Variants in EDEM3 observed in about 807,000 individuals in gnomAD.
The protein encoded by EDEM3 is ER degradation-enhancing alpha-mannosidase-like protein 3.
EDEM3 carries 60 observed loss-of-function variants against 110.2 expected under a neutral mutation model. The ratio of observed to expected loss-of-function variants is 0.54; its 90% confidence interval spans 0.44 to 0.67. The LOEUF is 0.67. EDEM3 is among the 30% of genes least tolerant of loss of function. EDEM3 has a pLI of 0.00. For missense variants in EDEM3, 996 were observed against 1,121.0 expected (o/e 0.89, Z 1.59); for synonymous variants, 352 against 382.9 (o/e 0.92, Z 0.94).
chr1:184,709,481 T>C (rs879844421), intron 16 of EDEM3, among the ~76,000 whole-genome samples: 4 of 152,124 alleles, frequency 2.6e-5, no homozygotes, highest in South Asian at 2.1e-4. Context: ...AACAGTGAAG[T>C]AGAAAAAGAA....
Position 184,692,147 on chromosome 1 carries a change from T to C in EDEM3, c.*1916A>G, listed in dbSNP as rs915080336. The C allele has an allele frequency of 1.3e-5, 2 of 152,136 alleles. No homozygotes were observed. The highest frequency in any genetic ancestry group is 2.4e-5 in the African/African-American group (1 of 41,446). The allele number at this position is 152,136 out of a possible 1,614,324, so 9.4% of individuals were successfully genotyped here. ...GCTCATTTTCTCCAAGCCCCAGTCCTATAAATCAAGGCAAGTCAAGTAATT... is the reference window on the plus strand; with the variant it reads ...GCTCATTTTCTCCAAGCCCCAGTCCCATAAATCAAGGCAAGTCAAGTAATT... On this transcript the variant is annotated 3_prime_UTR_variant, in exon 20 of 20. Transcript: ENST00000318130.
At chr1:184,697,141 T>G (rs1230994590) in intron 19 of EDEM3, among the ~76,000 whole-genome samples, 1 of 151,812 alleles carries the variant, frequency 6.6e-6, no homozygotes, top group African/African-American at 2.4e-5. Flanking sequence ...CTTTTCATAA[T>G]AAAAAGCTAC....
At chr1:184,710,977 G>A (rs985627873) in intron 15 of EDEM3, among the ~76,000 whole-genome samples, 2 of 152,032 alleles carry the variant, frequency 1.3e-5, no homozygotes, top group South Asian at 2.1e-4. Flanking sequence ...ATAACTACTC[G>A]TCAGAAAATG....
At chr1:184,730,457 C>T (rs912894312) in intron 6 of EDEM3, among the ~76,000 whole-genome samples, 22 of 152,126 alleles carry the variant, frequency 1.4e-4, no homozygotes, top group African/African-American at 4.6e-4. Flanking sequence ...CATGGTGGCA[C>T]GTGCCTGTAG....
At position 184,700,693 on chromosome 1, in the gene EDEM3, G is replaced by A. The variant is rs115134265; in HGVS notation, c.2389+2118C>T. Among the ~76,000 whole-genome samples, 725 of 152,066 alleles carry A rather than the reference G, an allele frequency of 4.8e-3. 10 individuals are homozygous for A. Among genetic ancestry groups the A allele is most frequent in the African/African-American group, 0.017 (698 of 41,518 alleles). ...AAGTGTATCTGTTGATTCTGATGCA[G>A]GGGAGAAACACTGATGTATGTAGTA... is the stretch of plus-strand genomic sequence containing the variant. On this transcript the variant is annotated intron_variant, in intron 19 of 19. Coordinates refer to ENST00000318130, the MANE Select transcript of EDEM3 (RefSeq NM_025191.4).
At chr1:184,746,214 G>A (rs1165381245) in intron 2 of EDEM3, among the ~76,000 whole-genome samples, 1 of 152,198 alleles carries the variant, frequency 6.6e-6, no homozygotes, top group Non-Finnish European at 1.5e-5. Context: ...AGATGGCAGA[G>A]TTGTAGTAAT....
rs777309738 is a variant in EDEM3 at position 184,723,713 on chromosome 1, G to A, written c.853+38C>T. ...TTCTTTATTTCCCAACCATTTTGAG[G>A]ATGCAAAGGCTTGATTTAAAAAGCC... On this transcript the variant is annotated intron_variant, in intron 8 of 19. Coordinates refer to ENST00000318130, the MANE Select transcript of EDEM3 (RefSeq NM_025191.4). The A allele has an allele frequency of 1.1e-5, 15 of 1,418,996 alleles. No individual in the cohort carries two copies. In the South Asian group the frequency reaches 1.9e-4, roughly 18 times the overall value. 87.9% of individuals were successfully genotyped at this position (1,418,996 alleles called of 1,614,324 possible).
intron 9 of EDEM3, among the ~76,000 whole-genome samples, 161 bp from the exon 10 acceptor site, chr1:184,719,729 T>G (rs536969226): frequency 6.6e-6 from 1 of 152,328 alleles, no homozygotes; most frequent in South Asian, 2.1e-4. Flanking sequence ...TAGATGGAGA[T>G]CTTTCTAAAA....
Position 184,721,334 on chromosome 1 carries a change from G to A in EDEM3, c.906C>T (p.Ala302=). ...AACTGTCATCTCCAAGCAAGACATAGGCTTTCAACAGATATTCATAATATG... is the reference window on the plus strand; with the variant it reads ...AACTGTCATCTCCAAGCAAGACATAAGCTTTCAACAGATATTCATAATATG... The part of the protein sequence containing the change: ...IDSYYEYLLK[A]YVLLGDDSFL... The change falls in exon 9 of 20, where the codon GCC becomes GCT. Residue 302 remains alanine, a synonymous_variant. Transcript: ENST00000318130. 1 of 1,605,430 alleles carries A rather than the reference G, an allele frequency of 6.2e-7. No homozygotes were observed. The highest frequency in any genetic ancestry group is 1.3e-5 in the African/African-American group (1 of 74,330).
chr1:184,718,381 T>C (rs1464278478), intron 11 of EDEM3, among the ~76,000 whole-genome samples: 1 of 152,132 alleles, frequency 6.6e-6, no homozygotes, highest in Non-Finnish European at 1.5e-5. Flanking sequence ...GATGTATTAA[T>C]TGAAACCTCA....
chr1:184,704,117 T>C (rs1041521027), intron 18 of EDEM3, among the ~76,000 whole-genome samples: 1 of 152,196 alleles, frequency 6.6e-6, no homozygotes, highest in Admixed American at 6.5e-5. Context: ...GTTGTATTTG[T>C]ACTGTTTAAT....
At chr1:184,736,945 C>T (rs1651859034) in intron 4 of EDEM3, 80 bp downstream of exon 4, 5 of 1,177,146 alleles carry the variant, frequency 4.2e-6, no homozygotes, top group South Asian at 2.5e-5. Flanking sequence ...CTATTTCATA[C>T]TTACTGTGTT....
At chr1:184,717,332 CATA>C (rs1004226429) in intron 12 of EDEM3, among the ~76,000 whole-genome samples, 89 of 152,028 alleles carry the variant, frequency 5.9e-4, no homozygotes, top group Non-Finnish European at 7.4e-5. Context: ...GAAATGTTTA[CATA>C]ATATTTTTTA....
rs753172672 is a variant in EDEM3, at chr1:184,717,001, A to G, written c.1257T>C (p.Asp419=). Residue 419 remains aspartate, a synonymous_variant, in exon 13 of 20, where the codon GAT becomes GAC. Coordinates refer to ENST00000318130, the MANE Select transcript of EDEM3 (RefSeq NM_025191.4). ...TCTTCCCTACTTCAAGGTAGTAAGG[A>G]TCTCCTGTAGCCTATTAAAAAGGAG... is the stretch of plus-strand genomic sequence containing the variant. The part of the protein sequence containing the change: ...STYFLYKATG[D]PYYLEVGKTL... 14 of 1,610,558 alleles carry G rather than the reference A, an allele frequency of 8.7e-6. No individual in the cohort carries two copies. In the Admixed American group the frequency reaches 2.2e-4, roughly 25 times the overall value.
At chr1:184,715,762 A>G (rs1047194998) in intron 13 of EDEM3, among the ~76,000 whole-genome samples, 2 of 152,232 alleles carry the variant, frequency 1.3e-5, no homozygotes, top group Admixed American at 1.3e-4. Flanking sequence ...TATAGGAAAC[A>G]GTCAATAAAT....
chr1:184,740,097 C>T (rs1425539382), intron 2 of EDEM3, among the ~76,000 whole-genome samples: 2 of 152,074 alleles, frequency 1.3e-5, no homozygotes, highest in Non-Finnish European at 2.9e-5. Context: ...ACCATAAAGA[C>T]CTGCTGATCT....
Position 184,734,312 on chromosome 1 carries a change from T to C in EDEM3, c.458+219A>G, listed in dbSNP as rs997633482. ...GGTGAAACCCCGTCTCTATTAAAAA[T>C]ACAAAAATTAGCTGGGCTTGGTGGT... On this transcript the variant is annotated intron_variant, in intron 5 of 19. Coordinates refer to ENST00000318130, the MANE Select transcript of EDEM3 (RefSeq NM_025191.4). 4.6e-5 allele frequency among the ~76,000 whole-genome samples: 7 copies of C among 151,952 alleles called. 1 individual carries two copies. Among genetic ancestry groups the C allele is most frequent in the Admixed American group, 4.6e-4 (7 of 15,266 alleles).
intron 19 of EDEM3, among the ~76,000 whole-genome samples, chr1:184,698,842 A>G (rs1324137181): frequency 6.6e-6 from 1 of 151,722 alleles, no homozygotes; most frequent in Non-Finnish European, 1.5e-5. Context: ...CATGGAAGAA[A>G]ATATTTTGGT....
rs1267136670 is a variant in EDEM3 at position 184,732,911 on chromosome 1, G to A, written c.538C>T (p.Leu180Phe). ...TAACCTAACTGCTTTGCCATTTGGA[G>A]AAGTTCATCATTGTACCACTGCATA... The part of the protein sequence containing the change: ...EYMQWYNDEL[L>F]QMAKQLGYKL... Residue 180 changes from leucine to phenylalanine, a missense_variant, in exon 6 of 20, where the codon CTC becomes TTC. By Grantham distance (22) the Leu-to-Phe change is conservative (BLOSUM62 0). This residue lies in a region of EDEM3 where 310 missense variants were observed against 394.6 expected (regional missense o/e 0.79). Coordinates refer to ENST00000318130, the MANE Select transcript of EDEM3 (RefSeq NM_025191.4). 6.2e-7 allele frequency: 1 copy of A among 1,614,088 alleles called. No individual in the cohort carries two copies. The highest frequency in any genetic ancestry group is 8.5e-7 in the Non-Finnish European group (1 of 1,179,976).
Sources: gnomAD v4.1 joint callset for allele counts (sites outside exome capture counted in the v4.1 genomes callset) on GRCh38, gnomAD v4.1.1 for gene constraint, gnomAD v4.1.1 regional missense constraint, MANE v1.5 for transcripts, NCBI Gene and HGNC (gene_info 2026-07-23, HGNC 2026-07-21) for gene names.